TET2: variants seen among roughly 807,000 people sequenced by gnomAD.
TET2 encodes tet methylcytosine dioxygenase 2.
TET2 carries 299 observed loss-of-function variants against 142.9 expected under a neutral mutation model. The observed-to-expected ratio is 2.09, with a 90% CI of 1.90 to 2.30. The LOEUF (loss-of-function observed/expected upper bound fraction) is 2.30, where lower values mean the gene tolerates loss of function less well. TET2 is among the 30% of genes most tolerant of loss of function. The pLI, the probability that TET2 is intolerant of heterozygous loss-of-function variation, is 0.00. For synonymous variants in TET2, 819 were observed against 849.0 expected, an observed-to-expected ratio of 0.96 and a Z score of 0.61; for missense variants, 2,418 against 2,378.0, an observed-to-expected ratio of 1.02 and a Z score of -0.35.
chr4:105,222,182 C>T (rs1253730899), intron 2 of TET2, among the ~76,000 whole-genome samples: 1 of 152,124 alleles, frequency 6.6e-6, no homozygotes, highest in Non-Finnish European at 1.5e-5. Flanking sequence ...CATACGTGTG[C>T]ATGTGTCTTT....
intron 6 of TET2, among the ~76,000 whole-genome samples, chr4:105,249,463 T>C (rs2110266823): frequency 6.6e-6 from 1 of 152,372 alleles, no homozygotes; most frequent in South Asian, 2.1e-4. Context: ...GATATACACC[T>C]AGGAGTGACA....
rs1331176461 is a variant in TET2 at position 105,276,085 on chromosome 4, A to G, written c.5575A>G (p.Ile1859Val). 3.2e-6 allele frequency: 5 copies of G among 1,551,704 alleles called. No individual in the cohort carries two copies. The South Asian group carries it at 4.8e-5, about 15-fold the overall frequency. The change falls in exon 11 of 11, where the codon ATT becomes GTT. Residue 1859 changes from isoleucine (I) to valine (V), a missense_variant. Ile to Val is a conservative substitution (Grantham distance 29). Transcript: ENST00000380013. The stretch of plus-strand genomic sequence containing the variant: ...CGAGCAGAGCTTTCTGGATCCTGAC[A>G]TTGGGGGAGTGGCCGTGGCTCCAAC... ...DSEQSFLDPD[I>V]GGVAVAPTHG...
At chr4:105,222,335 C>T (rs62332762) in intron 2 of TET2, among the ~76,000 whole-genome samples, 45,309 of 151,966 alleles carry the variant, frequency 0.3, 7,263 homozygotes, top group Non-Finnish European at 0.37. Flanking sequence ...CCACCAACAG[C>T]GTAAAAGTGT....
chr4:105,249,591 C>T (rs1468899556), intron 6 of TET2, among the ~76,000 whole-genome samples: 1 of 152,150 alleles, frequency 6.6e-6, no homozygotes, highest in Non-Finnish European at 1.5e-5. Flanking sequence ...CAGTGTATCT[C>T]CACATCCTCA....
At chr4:105,158,841 A>G (rs1207015630) in intron 1 of TET2, among the ~76,000 whole-genome samples, 1 of 152,144 alleles carries the variant, frequency 6.6e-6, no homozygotes, top group African/African-American at 2.4e-5. Context: ...AGACAAATAA[A>G]TCACCCTTAG....
At chr4:105,265,003 C>T (rs763287345) in intron 8 of TET2, among the ~76,000 whole-genome samples, 3 of 152,180 alleles carry the variant, frequency 2.0e-5, no homozygotes, top group Non-Finnish European at 4.4e-5. Flanking sequence ...GTTTTCTCAA[C>T]TTAAATGTCC....
chr4:105,239,072 T>G (rs201751306), intron 3 of TET2: 1 of 157,404 alleles, frequency 6.4e-6, no homozygotes, highest in East Asian at 6.9e-5. Context: ...GTTTTGTTTT[T>G]TGTTTTTTTT....
At chr4:105,251,836 T>C (rs1729883777) in intron 6 of TET2, among the ~76,000 whole-genome samples, 2 of 152,206 alleles carry the variant, frequency 1.3e-5, no homozygotes, top group South Asian at 4.1e-4. Context: ...TCTCTACCCC[T>C]GGGCTTTCCT....
chr4:105,211,098 T>TATC (rs1336898830), intron 2 of TET2, among the ~76,000 whole-genome samples: 1 of 152,216 alleles, frequency 6.6e-6, no homozygotes. Context: ...TCCTCAGCTA[T>TATC]ATCATGCTAA....
intron 8 of TET2, among the ~76,000 whole-genome samples, chr4:105,262,983 T>G (rs1318884444): frequency 6.6e-6 from 1 of 151,942 alleles, no homozygotes; most frequent in Non-Finnish European, 1.5e-5. Context: ...GAGCCATGAT[T>G]GCATCACTGT....
In TET2 at chr4:105,188,996, A is replaced by G. The variant is rs150315813; in HGVS notation, c.-192-1364A>G. On this transcript the variant is annotated intron_variant, in intron 1 of 10. Coordinates refer to ENST00000380013, the MANE Select transcript of TET2 (RefSeq NM_001127208.3). ...AATATACTAAAACCCACTGACTCAT[A>G]TACTTTACAAGGATGTATTTTATGG... is the stretch of plus-strand genomic sequence containing the variant. Among the ~76,000 whole-genome samples, 379 of 152,214 alleles carry G rather than the reference A, an allele frequency of 2.5e-3. 3 individuals carry two copies. The highest frequency in any genetic ancestry group is 8.8e-3 in the African/African-American group (366 of 41,536).
At chr4:105,210,107 T>G (rs1422657467) in intron 2 of TET2, among the ~76,000 whole-genome samples, 2 of 152,024 alleles carry the variant, frequency 1.3e-5, no homozygotes, top group African/African-American at 4.8e-5. Flanking sequence ...AGGTTTGGAG[T>G]GAAAGAATGA....
intron 3 of TET2, chr4:105,239,264 T>TA (rs1239206923): frequency 4.1e-6 from 1 of 241,248 alleles, no homozygotes; most frequent in Non-Finnish European, 8.8e-6. Context: ...GGCTTCAACT[T>TA]AAAATCATCA....
Position 105,272,556 on chromosome 4 carries a change from C to T in TET2, c.4183-8C>T. ...AGTTGAGGCTGTAATGTCTTACTTC[C>T]CTACCAGGTATGCACTCTCACTAGA... On this transcript the variant is annotated splice_region_variant and splice_polypyrimidine_tract_variant and intron_variant, in intron 9 of 10. Transcript: ENST00000380013. 1 of 1,492,022 alleles carries T rather than the reference C, an allele frequency of 6.7e-7. No homozygotes were observed. Among genetic ancestry groups the T allele is most frequent in the Non-Finnish European group, 8.9e-7 (1 of 1,118,856 alleles). 92.4% of individuals were successfully genotyped at this position (1,492,022 alleles called of 1,614,324 possible).
chr4:105,264,360 T>A (rs1398249143), intron 8 of TET2, among the ~76,000 whole-genome samples: 1 of 152,170 alleles, frequency 6.6e-6, no homozygotes, highest in Non-Finnish European at 1.5e-5. Context: ...AATAAATAAA[T>A]GAATGAGTCT....
At chr4:105,222,553 G>T (rs190313654) in intron 2 of TET2, among the ~76,000 whole-genome samples, 2,102 of 152,232 alleles carry the variant, frequency 0.014, 31 homozygotes, top group Middle Eastern at 0.058. Context: ...CCCACTTTTT[G>T]ATGGGATTGT....
At chr4:105,217,980 G>A (rs917570474) in intron 2 of TET2, among the ~76,000 whole-genome samples, 12 of 151,996 alleles carry the variant, frequency 7.9e-5, no homozygotes, top group African/African-American at 2.7e-4. Flanking sequence ...TATCTCTCCC[G>A]CAGAGTTGAC....
chr4:105,170,999 A>G (rs1036607173), intron 1 of TET2, among the ~76,000 whole-genome samples: 4 of 152,138 alleles, frequency 2.6e-5, no homozygotes, highest in Admixed American at 6.6e-5. Context: ...TATCTTTAAC[A>G]TCTGCTATCA....
chr4:105,212,511 A>G (rs1238115752), intron 2 of TET2, among the ~76,000 whole-genome samples: 1 of 152,222 alleles, frequency 6.6e-6, no homozygotes, highest in African/African-American at 2.4e-5. Context: ...ACACATATAT[A>G]CATGCCTTAA....
Sources: gnomAD v4.1 joint callset for allele counts (sites outside exome capture counted in the v4.1 genomes callset) on GRCh38, gnomAD v4.1.1 for gene constraint, MANE v1.5 for transcripts, NCBI Gene and HGNC (gene_info 2026-07-23, HGNC 2026-07-21) for gene names.